Variants in ABCA13 observed in about 807,000 individuals in gnomAD.
The protein encoded by ABCA13 is ATP-binding cassette sub-family A member 13.
In ABCA13, 476 loss-of-function variants were observed where a neutral mutation model predicts 478.7. That is an observed-to-expected ratio of 0.99 (90% CI 0.92 to 1.07). The LOEUF is 1.07. ABCA13 is among the 50% of genes least tolerant of loss of function. The pLI is 0.00. For synonymous variants in ABCA13, 2,252 were observed against 2,158.9 expected, an observed-to-expected ratio of 1.04 and a Z score of -1.20; for missense variants, 6,060 against 5,910.6, an observed-to-expected ratio of 1.03 and a Z score of -0.83.
At chr7:48,297,072 G>T (rs533418663) in intron 21 of ABCA13, among the ~76,000 whole-genome samples, 160 bp from the exon 22 acceptor site, 3 of 152,272 alleles carry the variant, frequency 2.0e-5, no homozygotes, top group African/African-American at 7.2e-5. Context: ...CATACAGATG[G>T]TATTGGGAGA....
intron 41 of ABCA13, among the ~76,000 whole-genome samples, chr7:48,417,015 T>C (rs1466092597): frequency 2.6e-5 from 4 of 152,278 alleles, no homozygotes; most frequent in South Asian, 2.1e-4. Flanking sequence ...CCCATAGTCA[T>C]GATGTTCATG....
intron 44 of ABCA13, among the ~76,000 whole-genome samples, chr7:48,468,363 GTTC>G (rs574327376): frequency 9.5e-4 from 145 of 152,164 alleles, no homozygotes; most frequent in African/African-American, 3.3e-3. Flanking sequence ...TCCTCTGTCC[GTTC>G]TTCTTCTACC....
At chr7:48,547,614 G>A (rs1784935780) in intron 55 of ABCA13, among the ~76,000 whole-genome samples, 3 of 151,818 alleles carry the variant, frequency 2.0e-5, no homozygotes, top group African/African-American at 7.2e-5. Flanking sequence ...TCACTCCTCT[G>A]CACACATGGT....
At chr7:48,593,901 G>C (rs1790018076) in intron 57 of ABCA13, among the ~76,000 whole-genome samples, 1 of 151,950 alleles carries the variant, frequency 6.6e-6, no homozygotes, top group Non-Finnish European at 1.5e-5. Context: ...CAGTCCTGAA[G>C]ATTTCTTCTG....
intron 13 of ABCA13, among the ~76,000 whole-genome samples, chr7:48,246,456 G>C (rs1005654149): frequency 1.3e-5 from 2 of 152,176 alleles, no homozygotes; most frequent in African/African-American, 4.8e-5. Flanking sequence ...GGCTACCCCT[G>C]TTCAGCGCTC....
At chr7:48,381,583 C>T (rs1015809149) in intron 35 of ABCA13, among the ~76,000 whole-genome samples, 1 of 152,190 alleles carries the variant, frequency 6.6e-6, no homozygotes, top group African/African-American at 2.4e-5. Flanking sequence ...ACGCTCGAGT[C>T]AAGAGCTCAC....
Position 48,278,080 on chromosome 7 carries a change from A to G in ABCA13, c.6900-14A>G. ...AAAATTAAATTAAAAGTATATATAT[A>G]TATATATTTACAGTTTTGTCCCAAA... On this transcript the variant is annotated splice_polypyrimidine_tract_variant and intron_variant, in intron 17 of 61. Transcript: ENST00000435803. The G allele has an allele frequency of 1.0e-6, 1 of 968,198 alleles. No individual in the cohort carries two copies. The highest frequency in any genetic ancestry group is 1.7e-5 in the African/African-American group (1 of 60,074). 60.0% of individuals were successfully genotyped at this position (968,198 alleles called of 1,614,324 possible).
intron 1 of ABCA13, among the ~76,000 whole-genome samples, chr7:48,191,157 C>T (rs1288915293): frequency 6.6e-6 from 1 of 152,126 alleles, no homozygotes; most frequent in Non-Finnish European, 1.5e-5. Flanking sequence ...ACTCCAGTAA[C>T]TTATTAATTT....
intron 35 of ABCA13, among the ~76,000 whole-genome samples, chr7:48,379,366 C>A (rs1813988355): frequency 1.3e-5 from 2 of 152,108 alleles, no homozygotes. Context: ...CCAATACCTT[C>A]TTTTTAAGAG....
intron 20 of ABCA13, among the ~76,000 whole-genome samples, chr7:48,289,262 T>C (rs906236891): frequency 7.9e-5 from 12 of 152,172 alleles, no homozygotes; most frequent in African/African-American, 2.9e-4. Context: ...CAAATTTACA[T>C]TGATTTTTTT....
At chr7:48,385,624 T>C (rs1223056946) in intron 35 of ABCA13, among the ~76,000 whole-genome samples, 1 of 152,192 alleles carries the variant, frequency 6.6e-6, no homozygotes, top group Non-Finnish European at 1.5e-5. Flanking sequence ...AGAACATACA[T>C]GGGCATGTGT....
chr7:48,440,883 G>A (rs12666688), intron 42 of ABCA13, among the ~76,000 whole-genome samples: 45,200 of 151,794 alleles, frequency 0.3, 6,798 homozygotes, highest in East Asian at 0.38. Flanking sequence ...GTGATGTTTT[G>A]AATTTAAGAA....
chr7:48,238,714 C>G lies in ABCA13; in HGVS notation c.898-527C>G, dbSNP rs868048980. 9.9e-5 allele frequency among the ~76,000 whole-genome samples: 15 copies of G among 152,278 alleles called. No individual in the cohort carries two copies. The East Asian group carries it at 2.3e-3, about 24-fold the overall frequency. ...CTATCTCCTGACCTCGTGATCCACC[C>G]GCCTCGGCCTCCCAAAGTGCTGGGA... On this transcript the variant is annotated intron_variant, in intron 8 of 61. Coordinates refer to ENST00000435803, the MANE Select transcript of ABCA13 (RefSeq NM_152701.5).
intron 59 of ABCA13, among the ~76,000 whole-genome samples, chr7:48,637,755 C>T (rs953882256): frequency 6.6e-6 from 1 of 151,994 alleles, no homozygotes; most frequent in African/African-American, 2.4e-5. Context: ...AAAATGATCC[C>T]CTTTGGTTAC....
At position 48,389,090 on chromosome 7, in the gene ABCA13, G is replaced by A. The variant is rs1394282272; in HGVS notation, c.11524G>A (p.Val3842Ile). The A allele has an allele frequency of 6.2e-7, 1 of 1,613,924 alleles. No homozygotes were observed. Among genetic ancestry groups the A allele is most frequent in the Admixed American group, 1.7e-5 (1 of 60,022 alleles). The change falls in exon 37 of 62, where the codon GTC (valine) becomes ATC (isoleucine). Residue 3842 changes from valine to isoleucine, a missense_variant. Physicochemically the swap from Val to Ile is conservative, Grantham distance 29 (BLOSUM62 3). This residue lies in a region of ABCA13 where 1,627 missense variants were observed against 1,571.0 expected (regional missense o/e 1.04). Transcript: ENST00000435803. ...EGELEGSAPG[V>I]TLVSVTKEYE... ...AGAGCTTGAAGGAAGTGCCCCGGGA[G>A]TCACCCTGGTGTCTGTGACCAAGGA...
At chr7:48,220,479 T>C (rs1787204473) in intron 4 of ABCA13, among the ~76,000 whole-genome samples, 1 of 152,200 alleles carries the variant, frequency 6.6e-6, no homozygotes, top group Non-Finnish European at 1.5e-5. Context: ...AATTTTTTCT[T>C]TCTTCATGGA....
intron 38 of ABCA13, among the ~76,000 whole-genome samples, chr7:48,399,881 G>T (rs970331729): frequency 3.9e-5 from 6 of 152,300 alleles, no homozygotes; most frequent in African/African-American, 1.4e-4. Context: ...AGAAACAGCA[G>T]TTATAGAACA....
At position 48,508,017 on chromosome 7, in the gene ABCA13, A is replaced by T; in HGVS notation, c.13492A>T (p.Met4498Leu). 6.2e-7 allele frequency: 1 copy of T among 1,613,816 alleles called. No homozygotes were observed. The highest frequency in any genetic ancestry group is 1.1e-5 in the South Asian group (1 of 91,072). Reference sequence around the variant, plus strand: ...GCACATAAGTGGCCTTGGCTACAGGATGTACTGGTTCACAAACTTCCTATA... The same window carrying T: ...GCACATAAGTGGCCTTGGCTACAGGTTGTACTGGTTCACAAACTTCCTATA... The part of the protein sequence containing the change: ...LQHISGLGYR[M>L]YWFTNFLYDM... Residue 4498 changes from methionine to leucine, a missense_variant, in exon 50 of 62, where the codon ATG becomes TTG. Transcript: ENST00000435803.
chr7:48,375,511 C>T (rs181659352), intron 34 of ABCA13, among the ~76,000 whole-genome samples: 33 of 152,136 alleles, frequency 2.2e-4, no homozygotes, highest in Non-Finnish European at 3.7e-4. Context: ...AAATGATTTT[C>T]TAAAAATCTA....
Sources: gnomAD v4.1 joint callset for allele counts (sites outside exome capture counted in the v4.1 genomes callset) on GRCh38, gnomAD v4.1.1 for gene constraint, gnomAD v4.1.1 regional missense constraint, MANE v1.5 for transcripts, NCBI Gene and HGNC (gene_info 2026-07-23, HGNC 2026-07-21) for gene names.